CTTNBP2: variants seen among roughly 807,000 people sequenced by gnomAD.
The protein encoded by CTTNBP2 is cortactin-binding protein 2.
Under a neutral mutation model 156.9 loss-of-function variants are expected in CTTNBP2, and 108 were observed. That is an observed-to-expected ratio of 0.69 (90% CI 0.59 to 0.81). The LOEUF is 0.81. CTTNBP2 is among the 30% of genes least tolerant of loss of function. The pLI is 0.00. For missense variants in CTTNBP2, 1,924 were observed against 2,035.4 expected (o/e 0.95, Z 1.05); for synonymous variants, 767 against 751.8 (o/e 1.02, Z -0.33).
At chr7:117,757,075 C>G (rs566317364) in intron 11 of CTTNBP2, among the ~76,000 whole-genome samples, 1 of 152,288 alleles carries the variant, frequency 6.6e-6, no homozygotes, top group Non-Finnish European at 1.5e-5. Context: ...CGCCACCCCT[C>G]CCCCCAAGTT....
chr7:117,839,125 T>A (rs1422656009), intron 2 of CTTNBP2, among the ~76,000 whole-genome samples: 1 of 152,146 alleles, frequency 6.6e-6, no homozygotes, highest in Admixed American at 6.5e-5. Flanking sequence ...AGTGGGAACC[T>A]GCCTGTAATT....
chr7:117,841,098 A>C (rs917736581), intron 2 of CTTNBP2, among the ~76,000 whole-genome samples: 1 of 152,232 alleles, frequency 6.6e-6, no homozygotes, highest in African/African-American at 2.4e-5. Context: ...TTTATGGGAA[A>C]AAAGCACTAT....
intron 2 of CTTNBP2, among the ~76,000 whole-genome samples, chr7:117,824,659 A>G (rs549104228): frequency 1.3e-5 from 2 of 152,352 alleles, no homozygotes; most frequent in African/African-American, 4.8e-5. Flanking sequence ...ATGGCTAGAA[A>G]TTTGGAGCCT....
chr7:117,747,155 A>G (rs1354721196), intron 12 of CTTNBP2, among the ~76,000 whole-genome samples: 1 of 152,202 alleles, frequency 6.6e-6, no homozygotes, highest in East Asian at 1.9e-4. Context: ...GATACAGTTG[A>G]TATTGCTCAA....
chr7:117,804,990 G>A (rs1165749305), intron 3 of CTTNBP2, among the ~76,000 whole-genome samples: 1 of 152,126 alleles, frequency 6.6e-6, no homozygotes, highest in East Asian at 1.9e-4. Context: ...AATCTTTTCT[G>A]TGGTCTCTCT....
chr7:117,838,387 T>C (rs939577574), intron 2 of CTTNBP2, among the ~76,000 whole-genome samples: 1 of 152,196 alleles, frequency 6.6e-6, no homozygotes, highest in Admixed American at 6.5e-5. Context: ...GCATGGTCTC[T>C]AATGCTAATA....
chr7:117,766,533 G>A (rs1334247164), intron 9 of CTTNBP2, among the ~76,000 whole-genome samples: 1 of 152,144 alleles, frequency 6.6e-6, no homozygotes, highest in Non-Finnish European at 1.5e-5. Context: ...AATATAAGAG[G>A]TCATGATGTT....
intron 2 of CTTNBP2, among the ~76,000 whole-genome samples, chr7:117,838,973 G>T: frequency 9.1e-6 from 1 of 110,318 alleles, no homozygotes; most frequent in Non-Finnish European, 1.8e-5. Flanking sequence ...GGGGCGGGGG[G>T]GGGGCTTTTA....
chr7:117,837,518 C>T (rs1171609801), intron 2 of CTTNBP2, among the ~76,000 whole-genome samples: 1 of 152,134 alleles, frequency 6.6e-6, no homozygotes, highest in African/African-American at 2.4e-5. Flanking sequence ...AGTCAAAATG[C>T]TTGGACCCAG....
intron 16 of CTTNBP2, among the ~76,000 whole-genome samples, chr7:117,730,493 C>A (rs1795341750): frequency 6.6e-6 from 1 of 152,094 alleles, no homozygotes; most frequent in Non-Finnish European, 1.5e-5. Flanking sequence ...TGTAGCCCTG[C>A]CACTCAAGAA....
At chr7:117,724,886 G>T (rs985475608) in intron 18 of CTTNBP2, among the ~76,000 whole-genome samples, 154 bp from the exon 19 acceptor site, 1 of 152,222 alleles carries the variant, frequency 6.6e-6, no homozygotes, top group Non-Finnish European at 1.5e-5. Context: ...TTACTTGGAG[G>T]TCTAGAATTC....
At chr7:117,743,331 G>A (rs1796119245) in intron 14 of CTTNBP2, among the ~76,000 whole-genome samples, 1 of 152,156 alleles carries the variant, frequency 6.6e-6, no homozygotes, top group Admixed American at 6.5e-5. Context: ...GGAGACTTTT[G>A]TTAGATAACA....
Position 117,724,724 on chromosome 7 carries a change from G to A in CTTNBP2, c.4270C>T (p.Gln1424Ter). The change falls in exon 19 of 23, where the codon CAG (glutamine) becomes TAG (stop). Residue 1424 changes from glutamine (Q) to a stop codon, truncating the protein, a stop_gained. Transcript: ENST00000160373. LOFTEE classifies it high-confidence loss of function. ...GCPLPRAELD[Q>*]HTADFKGGSF... ...CCTCCTTTGAAATCAGCTGTATGCTGGTCTAGCTCTGAAACAACACAAATC... is the reference window on the plus strand; with the variant it reads ...CCTCCTTTGAAATCAGCTGTATGCTAGTCTAGCTCTGAAACAACACAAATC... 1.2e-6 allele frequency: 2 copies of A among 1,613,842 alleles called. No homozygotes were observed. Among genetic ancestry groups the A allele is most frequent in the East Asian group, 2.2e-5 (1 of 44,872 alleles).
chr7:117,772,172 T>C (rs1797831851), intron 8 of CTTNBP2, among the ~76,000 whole-genome samples: 1 of 152,036 alleles, frequency 6.6e-6, no homozygotes, highest in African/African-American at 2.4e-5. Context: ...GAAAGGCCCC[T>C]CACATGGCAA....
intron 7 of CTTNBP2, among the ~76,000 whole-genome samples, chr7:117,779,432 C>T (rs1294062858): frequency 6.6e-6 from 1 of 152,118 alleles, no homozygotes; most frequent in East Asian, 1.9e-4. Flanking sequence ...TTCAGCTCAT[C>T]AGCAACTAGT....
chr7:117,821,469 AAT>A (rs1416394284), intron 2 of CTTNBP2, among the ~76,000 whole-genome samples: 1 of 151,840 alleles, frequency 6.6e-6, no homozygotes, highest in African/African-American at 2.4e-5. Context: ...TATTAATGAG[AAT>A]ATGTGGTTTT....
intron 1 of CTTNBP2, among the ~76,000 whole-genome samples, chr7:117,861,906 A>T (rs536435498): frequency 6.6e-6 from 1 of 152,124 alleles, no homozygotes; most frequent in Non-Finnish European, 1.5e-5. Context: ...TCACCAAAAA[A>T]TCCAGATCCC....
chr7:117,831,662 G>T (rs1189883344), intron 2 of CTTNBP2, among the ~76,000 whole-genome samples: 2 of 139,366 alleles, frequency 1.4e-5, no homozygotes, highest in Non-Finnish European at 3.2e-5. Flanking sequence ...AGACTTGACA[G>T]TTTCAATGGA....
intron 3 of CTTNBP2, among the ~76,000 whole-genome samples, chr7:117,805,281 G>A (rs748436175): frequency 2.0e-5 from 3 of 152,088 alleles, no homozygotes; most frequent in Non-Finnish European, 4.4e-5. Context: ...AGAATCCAAA[G>A]TATTAAGGAT....
Sources: allele counts gnomAD v4.1 joint callset (sites outside exome capture counted in the v4.1 genomes callset), GRCh38; gene constraint gnomAD v4.1.1; transcripts MANE v1.5; gene names NCBI Gene and HGNC (gene_info 2026-07-23, HGNC 2026-07-21).